SLC35B1: variants seen among roughly 807,000 people sequenced by gnomAD.
SLC35B1 encodes ATP/ADP exchanger ER.
Under a neutral mutation model 36.6 loss-of-function variants are expected in SLC35B1, and 27 were observed. That is an observed-to-expected ratio of 0.74 (90% CI 0.54 to 1.02). SLC35B1 has a LOEUF of 1.02. SLC35B1 is among the 50% of genes least tolerant of loss of function. The pLI, the probability that SLC35B1 is intolerant of heterozygous loss-of-function variation, is 0.00. For synonymous variants in SLC35B1, 162 were observed against 152.5 expected, an observed-to-expected ratio of 1.06 and a Z score of -0.46; for missense variants, 321 against 383.2, an observed-to-expected ratio of 0.84 and a Z score of 1.35.
rs2073387640 is a variant in SLC35B1 at position 49,704,244 on chromosome 17, C to G, written c.529-18G>C. The stretch of plus-strand genomic sequence containing the variant: ...GATAATAGCTGGGAAAGAAAGGGTG[C>G]AGCCTGCAGTGAAGTGGCCAACAGG... On this transcript the variant is annotated intron_variant, in intron 5 of 8. Coordinates refer to ENST00000240333, the MANE Select transcript of SLC35B1 (RefSeq NM_005827.4). 2 of 1,611,424 alleles carry G rather than the reference C, an allele frequency of 1.2e-6. No homozygotes were observed. Among genetic ancestry groups the G allele is most frequent in the Non-Finnish European group, 1.7e-6 (2 of 1,178,974 alleles).
intron 2 of SLC35B1, 41 bp from the exon 3 acceptor site, chr17:49,706,375 A>AT: frequency 2.7e-4 from 284 of 1,071,238 alleles, no homozygotes; most frequent in Middle Eastern, 6.9e-4. Flanking sequence ...AGAAAAGAAA[A>AT]GAAAAAAAAA....
rs1406938983 is a variant in SLC35B1, at chr17:49,703,311, A to T, written c.656-17T>A. The T allele has an allele frequency of 6.5e-7, 1 of 1,545,592 alleles. No homozygotes were observed. Among genetic ancestry groups the T allele is most frequent in the Non-Finnish European group, 8.9e-7 (1 of 1,118,874 alleles). On this transcript the variant is annotated splice_polypyrimidine_tract_variant and intron_variant, in intron 6 of 8. Transcript: ENST00000240333. ...ACAGGATTCCTGAGAAGACATGTCA[A>T]CAAATGTACGGCGCATTTTGTGCAC...
intron 4 of SLC35B1, 115 bp from the exon 5 acceptor site, chr17:49,705,396 G>T: frequency 9.0e-7 from 1 of 1,114,936 alleles, no homozygotes; most frequent in Non-Finnish European, 1.3e-6. Context: ...GACTGAGAAG[G>T]AAGGCTTAGA....
At chr17:49,703,060 T>C in intron 7 of SLC35B1, 49 bp from the exon 8 acceptor site, 2 of 1,611,312 alleles carry the variant, frequency 1.2e-6, no homozygotes, top group Non-Finnish European at 1.7e-6. Context: ...GTATCTGCCA[T>C]TGGTCTAAAG....
chr17:49,707,494 C>T (rs1281392057), intron 1 of SLC35B1: 2 of 1,474,826 alleles, frequency 1.4e-6, no homozygotes, highest in East Asian at 5.3e-5. Flanking sequence ...CCCTTAGAAC[C>T]AAGCGGGGAA....
chr17:49,703,729 G>A, intron 6 of SLC35B1: 1 of 322,578 alleles, frequency 3.1e-6, no homozygotes, highest in Non-Finnish European at 6.0e-6. Context: ...AGGAAGCACT[G>A]ATTTCAAAGC....
intron 8 of SLC35B1, chr17:49,701,920 T>G: frequency 6.2e-6 from 2 of 322,548 alleles, no homozygotes; most frequent in Non-Finnish European, 6.2e-6. Context: ...CAAGACCCCA[T>G]CGCTACAAAA....
In SLC35B1 at chr17:49,705,246, ACTT is replaced by A; in HGVS notation, c.403_405del (p.Lys135del). The A allele has an allele frequency of 5.0e-6, 8 of 1,614,168 alleles. No homozygotes were observed. The highest frequency in any genetic ancestry group is 6.8e-6 in the Non-Finnish European group (8 of 1,180,014). On this transcript the variant is annotated inframe_deletion, in exon 5 of 9. Coordinates refer to ENST00000240333, the MANE Select transcript of SLC35B1 (RefSeq NM_005827.4). ...ACACACAGGTACTTGGCCAACGGGTACTTCTTCTTCAAGAGGGTCACCCCAAGG... is the reference window on the plus strand; with the variant it reads ...ACACACAGGTACTTGGCCAACGGGTACTTCTTCAAGAGGGTCACCCCAAGG...
intron 1 of SLC35B1, chr17:49,707,387 A>C (rs764039524): frequency 7.0e-7 from 1 of 1,431,188 alleles, no homozygotes; most frequent in South Asian, 1.2e-5. Flanking sequence ...ACCAAGGCCG[A>C]GGACGAATAG....
rs142991261 is a variant in SLC35B1 at position 49,702,995 on chromosome 17, G to A, written c.779C>T (p.Thr260Met). Residue 260 changes from threonine (T) to methionine (M), a missense_variant, in exon 8 of 9, where the codon ACG (threonine) becomes ATG (methionine). Thr to Met is a moderately conservative substitution (Grantham distance 81). Transcript: ENST00000240333. ...GGTCAGGGGACCAAAATACACAACC[G>A]TCATAAAGATGAAGCTCTAGAGAAA... Reference protein sequence around the residue: ...SALGQSFIFMTVVYFGPLTCS... With the variant: ...SALGQSFIFMMVVYFGPLTCS... The A allele has an allele frequency of 4.3e-6, 7 of 1,614,086 alleles. No individual in the cohort carries two copies. Among genetic ancestry groups the A allele is most frequent in the African/African-American group, 4.0e-5 (3 of 75,034 alleles).
Position 49,704,072 on chromosome 17 carries a change from T to G in SLC35B1, c.655+28A>C, listed in dbSNP as rs143768817. The G allele has an allele frequency of 8.1e-6, 13 of 1,613,488 alleles. No homozygotes were observed. In the African/African-American group the frequency reaches 1.7e-4, roughly 22 times the overall value. On this transcript the variant is annotated intron_variant, in intron 6 of 8. Transcript: ENST00000240333. ...GGGCAGCCTGCCCTCTGGTGATACA[T>G]GGGAAGAACAGCAGAACTGGCTCTC...
chr17:49,708,105 C>T, upstream of SLC35B1: 1 of 721,106 alleles, frequency 1.4e-6, no homozygotes, highest in Non-Finnish European at 2.5e-6. Context: ...GCCAGGGGAA[C>T]CGGCAGCCTC....
chr17:49,706,158 T>C (rs752057676), intron 3 of SLC35B1, 46 bp downstream of exon 3: 1 of 1,559,342 alleles, frequency 6.4e-7, no homozygotes, highest in Non-Finnish European at 8.6e-7. Context: ...CTTAGTCCTT[T>C]TCAAATGATA....
chr17:49,704,309 G>A, intron 5 of SLC35B1, 83 bp from the exon 6 acceptor site: 4 of 1,538,802 alleles, frequency 2.6e-6, no homozygotes, highest in Middle Eastern at 2.4e-4. Context: ...TCACTCTCAG[G>A]CTCCTTGGAA....
At chr17:49,706,932 G>A (rs780904940) in intron 2 of SLC35B1, 33 bp downstream of exon 2, 3 of 1,495,828 alleles carry the variant, frequency 2.0e-6, no homozygotes, top group Non-Finnish European at 2.8e-6. Flanking sequence ...TGGGGTGGTG[G>A]GGTACCCAAC....
In SLC35B1 at chr17:49,706,932, G is replaced by T. The variant is rs780904940; in HGVS notation, c.208+33C>A. 6 of 1,495,830 alleles carry T rather than the reference G, an allele frequency of 4.0e-6. No homozygotes were observed. In the South Asian group the frequency reaches 6.8e-5, roughly 17 times the overall value. The allele number at this position is 1,495,830 out of a possible 1,614,324, so 92.7% of individuals were successfully genotyped here. On this transcript the variant is annotated intron_variant, in intron 2 of 8. Transcript: ENST00000240333. ...CATACTGAGGGAACTTGGGGTGGTG[G>T]GGTACCCAACAAATTACTATCTGGG...
chr17:49,707,285 A>C (rs551514677), intron 1 of SLC35B1: 2 of 1,461,532 alleles, frequency 1.4e-6, no homozygotes, highest in Non-Finnish European at 1.8e-6. Flanking sequence ...GCCTAAGAAA[A>C]GAATACCCGA....
rs548211475 is a variant in SLC35B1, at chr17:49,701,299, C to T, written c.*159G>A. 5 of 618,472 alleles carry T rather than the reference C, an allele frequency of 8.1e-6. No homozygotes were observed. Among genetic ancestry groups the T allele is most frequent in the African/African-American group, 1.9e-5 (1 of 53,894 alleles). The allele number at this position is 618,472 out of a possible 1,614,324, so 38.3% of individuals were successfully genotyped here. A position where few individuals can be genotyped will look rare whatever the true frequency, so the allele number is the denominator to read the frequency against. ...ACCACCACTCTGTCTTGTTAAAATCCAAGTGCATTTTTTAGAATATGTGAT... is the reference window on the plus strand; with the variant it reads ...ACCACCACTCTGTCTTGTTAAAATCTAAGTGCATTTTTTAGAATATGTGAT... On this transcript the variant is annotated 3_prime_UTR_variant, in exon 9 of 9. Coordinates refer to ENST00000240333, the MANE Select transcript of SLC35B1 (RefSeq NM_005827.4).
Position 49,707,937 on chromosome 17 carries a change from G to C in SLC35B1, c.-104C>G. 1 of 1,559,060 alleles carries C rather than the reference G, an allele frequency of 6.4e-7. No homozygotes were observed. On this transcript the variant is annotated 5_prime_UTR_variant, in exon 1 of 9. Transcript: ENST00000240333. ...CCGGACATCGCCGACCGGCGGCAGG[G>C]GCCTCATAGGAGCTGCATGCGACCG... is the stretch of plus-strand genomic sequence containing the variant.
Sources: allele counts gnomAD v4.1 joint callset, GRCh38; gene constraint gnomAD v4.1.1; transcripts MANE v1.5; gene names NCBI Gene and HGNC (gene_info 2026-07-23, HGNC 2026-07-21).